Variants in STK3 observed in about 807,000 individuals in gnomAD.
STK3 encodes the protein serine/threonine-protein kinase 3.
Under a neutral mutation model 58.0 loss-of-function variants are expected in STK3, and 41 were observed. That is an observed-to-expected ratio of 0.71 (90% CI 0.55 to 0.92). The LOEUF is 0.92. STK3 is among the 40% of genes least tolerant of loss of function. The pLI, the probability that STK3 is intolerant of heterozygous loss-of-function variation, is 0.00. For missense variants in STK3, 479 were observed against 602.7 expected (o/e 0.79, Z 2.15); for synonymous variants, 170 against 191.0 (o/e 0.89, Z 0.91).
At chr8:98,659,818 T>C (rs1484973501) in intron 6 of STK3, among the ~76,000 whole-genome samples, 1 of 151,260 alleles carries the variant, frequency 6.6e-6, no homozygotes, top group East Asian at 1.9e-4. Flanking sequence ...AGGTGGAAAA[T>C]ATAACCATTA....
At chr8:98,771,713 T>C (rs1241827921) in intron 2 of STK3, among the ~76,000 whole-genome samples, 1 of 152,034 alleles carries the variant, frequency 6.6e-6, no homozygotes, top group Admixed American at 6.6e-5. Context: ...TACAGGCACA[T>C]GCCACCACGC....
chr8:98,404,783 CA>C (rs1274500990), intron 3 of STK3, among the ~76,000 whole-genome samples: 1 of 151,710 alleles, frequency 6.6e-6, no homozygotes, highest in Non-Finnish European at 1.5e-5. Flanking sequence ...TCTGGGAGGT[CA>C]AGGCTGCAAT....
chr8:98,585,905 G>A (rs1362558168), intron 7 of STK3, among the ~76,000 whole-genome samples: 8 of 151,480 alleles, frequency 5.3e-5, no homozygotes, highest in African/African-American at 1.5e-4. Flanking sequence ...TTTGTCTGTT[G>A]TTGGTGTATA....
intron 6 of STK3, among the ~76,000 whole-genome samples, chr8:98,642,908 A>C (rs896013820): frequency 2.0e-5 from 3 of 152,222 alleles, no homozygotes; most frequent in Non-Finnish European, 4.4e-5. Flanking sequence ...TGGCAAGTCC[A>C]TTTGACTGAC....
intron 1 of STK3, among the ~76,000 whole-genome samples, chr8:98,777,490 G>A (rs1443172015): frequency 6.6e-6 from 1 of 152,128 alleles, no homozygotes; most frequent in South Asian, 2.1e-4. Flanking sequence ...AGCCTGGGTG[G>A]CAGAGTTAGA....
chr8:98,347,485 C>T, the STK3 span, among the ~76,000 whole-genome samples: 6 of 151,154 alleles, frequency 4.0e-5, no homozygotes, highest in African/African-American at 9.7e-5. Flanking sequence ...ACTGCACTCC[C>T]GCCTGGGCCA....
intron 6 of STK3, chr8:98,597,135 A>C: frequency 3.2e-6 from 1 of 316,636 alleles, no homozygotes; most frequent in Non-Finnish European, 4.6e-6. Flanking sequence ...AATAAGAAAT[A>C]GGTACCTTAA....
chr8:98,737,670 G>C (rs1405454787), intron 4 of STK3, among the ~76,000 whole-genome samples: 1 of 151,912 alleles, frequency 6.6e-6, no homozygotes, highest in African/African-American at 2.4e-5. Context: ...AAATGACAAA[G>C]CTCCTAGAAG....
At chr8:98,695,464 A>C (rs201125460) in intron 6 of STK3, among the ~76,000 whole-genome samples, 1 of 152,054 alleles carries the variant, frequency 6.6e-6, no homozygotes, top group South Asian at 2.1e-4. Context: ...TTCTTCTAGG[A>C]TTTTTATGGT....
At chr8:98,525,301 G>A (rs888720365) in intron 10 of STK3, among the ~76,000 whole-genome samples, 1 of 152,042 alleles carries the variant, frequency 6.6e-6, no homozygotes, top group Non-Finnish European at 1.5e-5. Flanking sequence ...AGTCAGGGAT[G>A]AGAAATTACC....
At chr8:98,605,836 TG>T (rs1156374302) in intron 6 of STK3, among the ~76,000 whole-genome samples, 3 of 152,172 alleles carry the variant, frequency 2.0e-5, no homozygotes, top group Non-Finnish European at 4.4e-5. Context: ...ATCATCCCCT[TG>T]GTGCTGTTCT....
At chr8:98,613,752 C>T (rs1817398942) in intron 6 of STK3, among the ~76,000 whole-genome samples, 1 of 151,660 alleles carries the variant, frequency 6.6e-6, no homozygotes, top group African/African-American at 2.4e-5. Flanking sequence ...AAGGCAAAAA[C>T]TGAAAAGGTA....
rs1423323648 is a variant in STK3, at chr8:98,455,574, C to T, written c.*268G>A. On this transcript the variant is annotated 3_prime_UTR_variant, in exon 11 of 11. Transcript: ENST00000419617. ...TTCAAGGTTTAGAGACCTTGAAAAT[C>T]CATTTCATAACAGTTTTATTACTGG... is the stretch of plus-strand genomic sequence containing the variant. The T allele has an allele frequency of 9.1e-6, 4 of 440,226 alleles. No individual in the cohort carries two copies. In the Admixed American group the frequency reaches 1.6e-4, roughly 18 times the overall value. 27.3% of individuals were successfully genotyped at this position (440,226 alleles called of 1,614,324 possible).
Position 98,767,286 on chromosome 8 carries a change from G to A in STK3, c.193C>T (p.Gln65Ter). The change falls in exon 3 of 11, where the codon CAG (glutamine) becomes TAG (stop). Residue 65 changes from glutamine (Q) to a stop codon, truncating the protein, a stop_gained. Transcript: ENST00000419617. LOFTEE classifies it high-confidence loss of function. The part of the protein sequence containing the change: ...IKQVPVESDL[Q>*]EIIKEISIMQ... Reference sequence around the variant, plus strand: ...ATGGAAATTTCTTTGATTATTTCCTGAAGATCTGATTCAACAGGTACTTGT... The same window carrying A: ...ATGGAAATTTCTTTGATTATTTCCTAAAGATCTGATTCAACAGGTACTTGT... The A allele has an allele frequency of 6.2e-7, 1 of 1,611,868 alleles. No homozygotes were observed. Among genetic ancestry groups the A allele is most frequent in the Non-Finnish European group, 8.5e-7 (1 of 1,179,464 alleles).
rs534023244 is a variant in STK3 at position 98,409,901 on chromosome 8, G to A, written n.484-8388C>T. Reference sequence around the variant, plus strand: ...ACCCTCGTTGGTCCCTTCCTCAGCCGGAGAGTGCCATGTGCCCAGAAGGAA... The same window carrying A: ...ACCCTCGTTGGTCCCTTCCTCAGCCAGAGAGTGCCATGTGCCCAGAAGGAA... On this transcript the variant is annotated intron_variant and non_coding_transcript_variant, in intron 3 of 3. Transcript: ENST00000517832. 1.1e-4 allele frequency among the ~76,000 whole-genome samples: 17 copies of A among 152,270 alleles called. No individual in the cohort carries two copies. In the South Asian group the frequency reaches 2.7e-3, roughly 24 times the overall value.
intron 4 of STK3, among the ~76,000 whole-genome samples, chr8:98,722,573 T>C (rs1386253009): frequency 1.3e-5 from 2 of 152,180 alleles, no homozygotes; most frequent in Non-Finnish European, 2.9e-5. Flanking sequence ...ATAAAGAAGT[T>C]GACAGTCATT....
At chr8:98,817,412 C>T (rs1346783206) in intron 1 of STK3, among the ~76,000 whole-genome samples, 1 of 144,392 alleles carries the variant, frequency 6.9e-6, no homozygotes, top group African/African-American at 2.6e-5. Context: ...CAAGATTGCA[C>T]CATTGCATTC....
At chr8:98,721,330 T>A (rs538493856) in intron 4 of STK3, among the ~76,000 whole-genome samples, 1 of 152,186 alleles carries the variant, frequency 6.6e-6, no homozygotes, top group African/African-American at 2.4e-5. Flanking sequence ...TTAAAATACA[T>A]AAGCTTAGAA....
chr8:98,372,913 G>A (rs901900062), intron 2 of STK3, among the ~76,000 whole-genome samples: 1 of 152,150 alleles, frequency 6.6e-6, no homozygotes, highest in Non-Finnish European at 1.5e-5. Flanking sequence ...GTTATGATGA[G>A]AATTGAATGA....
Sources: allele counts gnomAD v4.1 joint callset (sites outside exome capture counted in the v4.1 genomes callset), GRCh38; gene constraint gnomAD v4.1.1; transcripts MANE v1.5; gene names NCBI Gene and HGNC (gene_info 2026-07-23, HGNC 2026-07-21).